Variants in STOX2 observed in about 807,000 individuals in gnomAD.
The protein encoded by STOX2 is storkhead-box protein 2.
In STOX2, 28 loss-of-function variants were observed where a neutral mutation model predicts 60.9. The observed-to-expected ratio is 0.46, with a 90% CI of 0.34 to 0.63. STOX2 has a LOEUF of 0.63. STOX2 is among the 30% of genes least tolerant of loss of function. The pLI is 0.01. For missense variants in STOX2, 1,024 were observed against 1,187.7 expected (o/e 0.86, Z 2.03); for synonymous variants, 472 against 463.9 (o/e 1.02, Z -0.22).
intron 1 of STOX2, among the ~76,000 whole-genome samples, chr4:183,835,091 A>G (rs1027580317): frequency 4.6e-5 from 7 of 152,084 alleles, no homozygotes; most frequent in African/African-American, 1.4e-4. Flanking sequence ...TCCTCTTCTT[A>G]ACAATTACGT....
intron 1 of STOX2, 29 bp downstream of exon 1, chr4:183,906,985 G>A (rs1294864304): frequency 1.3e-5 from 20 of 1,499,770 alleles, no homozygotes; most frequent in Non-Finnish European, 1.8e-5. Context: ...TTCTGCCCCC[G>A]GGCCGGGGCC....
chr4:184,006,792 G>A (rs1441448647), intron 2 of STOX2, among the ~76,000 whole-genome samples: 11 of 150,726 alleles, frequency 7.3e-5, no homozygotes, highest in Non-Finnish European at 1.2e-4. Context: ...CGAGGCGGGC[G>A]GATCACGAGG....
intron 1 of STOX2, among the ~76,000 whole-genome samples, chr4:183,953,615 G>A (rs1475029120): frequency 7.0e-6 from 1 of 142,600 alleles, no homozygotes; most frequent in African/African-American, 2.7e-5. Context: ...GCCCAGCCTG[G>A]AGTGCAGTGG....
intron 1 of STOX2, among the ~76,000 whole-genome samples, chr4:183,897,795 T>A (rs1453628141): frequency 1.3e-5 from 2 of 152,236 alleles, no homozygotes; most frequent in Non-Finnish European, 2.9e-5. Context: ...ATTGTCAGTG[T>A]CCAGCCTTAT....
intron 1 of STOX2, among the ~76,000 whole-genome samples, chr4:183,985,007 G>A (rs546651630): frequency 3.9e-5 from 6 of 152,190 alleles, no homozygotes; most frequent in South Asian, 4.2e-4. Flanking sequence ...CCGTACTCTC[G>A]GTAGGGCAGC....
chr4:183,997,177 G>A (rs551237444), intron 1 of STOX2, among the ~76,000 whole-genome samples: 93 of 152,312 alleles, frequency 6.1e-4, no homozygotes, highest in African/African-American at 2.1e-3. Context: ...TGGAATGGCA[G>A]TAGACCAGAC....
intron 1 of STOX2, among the ~76,000 whole-genome samples, chr4:183,921,721 C>T (rs962589281): frequency 4.6e-5 from 7 of 152,136 alleles, no homozygotes; most frequent in Non-Finnish European, 8.8e-5. Flanking sequence ...AGTCACAAAG[C>T]TTTATGAAAT....
intron 1 of STOX2, among the ~76,000 whole-genome samples, chr4:183,960,701 G>T (rs1269665300): frequency 6.6e-6 from 1 of 152,190 alleles, no homozygotes; most frequent in Admixed American, 6.5e-5. Flanking sequence ...TGAGTCGTAA[G>T]GGCCATAAAG....
intron 1 of STOX2, among the ~76,000 whole-genome samples, chr4:183,863,122 G>T (rs944396908): frequency 6.6e-6 from 1 of 152,196 alleles, no homozygotes; most frequent in African/African-American, 2.4e-5. Flanking sequence ...GAGAACATCG[G>T]TGGCGTACAG....
chr4:183,856,490 T>G lies in STOX2; in HGVS notation c.364+58435T>G, dbSNP rs769472666. 6.6e-6 allele frequency among the ~76,000 whole-genome samples: 1 copy of G among 152,212 alleles called. No homozygotes were observed. Among genetic ancestry groups the G allele is most frequent in the Non-Finnish European group, 1.5e-5 (1 of 68,026 alleles). On this transcript the variant is annotated intron_variant, in intron 1 of 2. Coordinates refer to the STOX2 transcript ENST00000513034. This position sits in a 1 kb window ranked among gnomAD's most constrained non-coding sequence, Gnocchi z 4.0. ...CAGGTGAGGGTATTAATTCTGTTAT[T>G]TCCACCTTCCCTCAGCAGTCTCCAT...
chr4:183,998,965 T>A (rs1274288304), intron 1 of STOX2, among the ~76,000 whole-genome samples: 1 of 152,084 alleles, frequency 6.6e-6, no homozygotes, highest in Non-Finnish European at 1.5e-5. Flanking sequence ...GGTAGGAGGA[T>A]CTCTTGAGTT....
At chr4:183,980,674 G>A (rs745678292) in intron 1 of STOX2, among the ~76,000 whole-genome samples, 10 of 147,270 alleles carry the variant, frequency 6.8e-5, no homozygotes, top group Non-Finnish European at 1.5e-4. Context: ...AGTTTGGAGC[G>A]AATTTTTTTT....
chr4:183,844,102 A>G (rs937263277), intron 1 of STOX2, among the ~76,000 whole-genome samples: 4 of 152,196 alleles, frequency 2.6e-5, no homozygotes, highest in Non-Finnish European at 4.4e-5. Context: ...TTATTATTCA[A>G]TTTGGTGAAT....
chr4:183,953,538 C>A (rs1743155476), intron 1 of STOX2, among the ~76,000 whole-genome samples: 1 of 151,102 alleles, frequency 6.6e-6, no homozygotes, highest in Non-Finnish European at 1.5e-5. Context: ...TTCTGTGCCA[C>A]ACACTATTTA....
At position 183,940,256 on chromosome 4, in the gene STOX2, A is replaced by G. The variant is rs79143159; in HGVS notation, c.166+33300A>G. Among the ~76,000 whole-genome samples, 1,114 of 152,296 alleles carry G rather than the reference A, an allele frequency of 7.3e-3. 19 individuals carry two copies. The highest frequency in any genetic ancestry group is 0.026 in the African/African-American group (1,067 of 41,558). Reference sequence around the variant, plus strand: ...CGCCCGGGTTCCCTGATGTTGATTCATGGTATCTTTCGTGCCTCACGAATT... The same window carrying G: ...CGCCCGGGTTCCCTGATGTTGATTCGTGGTATCTTTCGTGCCTCACGAATT... On this transcript the variant is annotated intron_variant, in intron 1 of 3. Coordinates refer to ENST00000308497, the MANE Select transcript of STOX2 (RefSeq NM_020225.3).
intron 1 of STOX2, among the ~76,000 whole-genome samples, chr4:183,952,046 G>A (rs746516597): frequency 5.3e-5 from 8 of 152,076 alleles, no homozygotes; most frequent in Non-Finnish European, 1.0e-4. Context: ...TTTTGTTTGC[G>A]GTGAGATAAA....
chr4:183,871,256 G>A (rs1740683453), intron 1 of STOX2, among the ~76,000 whole-genome samples: 2 of 152,284 alleles, frequency 1.3e-5, no homozygotes, highest in South Asian at 4.2e-4. Context: ...CAGGGAATAA[G>A]AATTCTTTGT....
chr4:183,798,589 G>GC, intron 1 of STOX2: 2 of 979,370 alleles, frequency 2.0e-6, no homozygotes, highest in Non-Finnish European at 2.4e-6. Context: ...TTGCGCGCAC[G>GC]CATTTCTCAA....
chr4:183,834,642 G>A (rs1052865972), intron 1 of STOX2, among the ~76,000 whole-genome samples: 17 of 152,294 alleles, frequency 1.1e-4, no homozygotes, highest in African/African-American at 3.8e-4. Context: ...ATGAAGATCC[G>A]TGCCTATTCC....
Sources: allele counts gnomAD v4.1 joint callset (sites outside exome capture counted in the v4.1 genomes callset), GRCh38; gene constraint gnomAD v4.1.1; non-coding constraint Gnocchi (gnomAD v3.1); transcripts MANE v1.5; gene names NCBI Gene and HGNC (gene_info 2026-07-23, HGNC 2026-07-21).